BSN: variants seen among roughly 807,000 people sequenced by gnomAD.
BSN encodes the protein bassoon presynaptic cytomatrix protein.
A neutral mutation model predicts 264.8 loss-of-function variants in BSN; 57 were observed. The ratio of observed to expected loss-of-function variants is 0.22; its 90% CI spans 0.17 to 0.27. BSN has a LOEUF of 0.27. Ranked by LOEUF, BSN falls within the 10% of genes least tolerant of loss-of-function variation. The probability of loss-of-function intolerance (pLI) is 1.00; values close to 1 mark genes in which losing one functional copy is unlikely to be tolerated. For missense variants in BSN, 4,615 were observed against 5,232.5 expected (o/e 0.88, Z 3.64); for synonymous variants, 2,059 against 2,137.3 (o/e 0.96, Z 1.01).
rs368815355 is a variant in BSN at position 49,652,591 on chromosome 3, G to C, written c.3035G>C (p.Arg1012Pro). ...GAGGACAGTGACAGCAGCCCCAGCCGCAGGCAGCGTCTAGAAGAAGCAAAG... is the reference window on the plus strand; with the variant it reads ...GAGGACAGTGACAGCAGCCCCAGCCCCAGGCAGCGTCTAGAAGAAGCAAAG... ...LEEDSDSSPS[R>P]RQRLEEAKQQ... The change falls in exon 5 of 12, where the codon CGC becomes CCC. Residue 1012 changes from arginine (R) to proline (P), a missense_variant. By Grantham distance (103) the Arg-to-Pro change is moderately radical. Coordinates refer to ENST00000296452, the MANE Select transcript of BSN (RefSeq NM_003458.4). The C allele has an allele frequency of 6.2e-7, 1 of 1,613,422 alleles. No individual in the cohort carries two copies. The highest frequency in any genetic ancestry group is 8.5e-7 in the Non-Finnish European group (1 of 1,179,922).
rs192517608 is a variant in BSN at position 49,612,241 on chromosome 3, T to C, written c.225-12734T>C. On this transcript the variant is annotated intron_variant, in intron 1 of 11. Coordinates refer to ENST00000296452, the MANE Select transcript of BSN (RefSeq NM_003458.4). ...AGCTCCGCCTCCCGGGTTCACGCCG[T>C]CCTCCTTCCCCAGCCTCCCAAGTAG... Among the ~76,000 whole-genome samples, 118 of 151,866 alleles carry C rather than the reference T, an allele frequency of 7.8e-4. 1 individual carries two copies. Among genetic ancestry groups the C allele is most frequent in the African/African-American group, 2.7e-3 (113 of 41,420 alleles).
intron 1 of BSN, among the ~76,000 whole-genome samples, chr3:49,572,387 G>GCT (rs1287458041): frequency 7.2e-5 from 11 of 152,100 alleles, no homozygotes; most frequent in Non-Finnish European, 1.6e-4. Flanking sequence ...CACATTTAGG[G>GCT]GAAAATATCA....
chr3:49,650,953 G>T lies in BSN; in HGVS notation c.1860G>T (p.Pro620=). ...TRVPTKAEPM[P]KPPPETTPTP... ...TCCCCACTAAAGCTGAGCCCATGCC[G>T]AAGCCACCTCCAGAGACTACCCCAA... Residue 620 remains proline, a synonymous_variant, in exon 4 of 12, where the codon CCG becomes CCT. Transcript: ENST00000296452. 1.2e-6 allele frequency: 2 copies of T among 1,614,142 alleles called. No individual in the cohort carries two copies. Among genetic ancestry groups the T allele is most frequent in the Non-Finnish European group, 1.7e-6 (2 of 1,180,028 alleles).
chr3:49,652,891 C>A lies in BSN; in HGVS notation c.3335C>A (p.Ala1112Glu). 6.2e-7 allele frequency: 1 copy of A among 1,609,172 alleles called. No individual in the cohort carries two copies. The highest frequency in any genetic ancestry group is 8.5e-7 in the Non-Finnish European group (1 of 1,176,762). ...TCCCCGACGGAGGAGCTGAGGCAGG[C>A]GGCCGAGATGGAGGAGCTACACCGC... ...DASPTEELRQ[A>E]AEMEELHRSS... The change falls in exon 5 of 12, where the codon GCG becomes GAG. Residue 1112 changes from alanine to glutamate, a missense_variant. By Grantham distance (107) the Ala-to-Glu change is moderately radical. This residue lies in a region of BSN where 3,415 missense variants were observed against 3,866.4 expected (regional missense o/e 0.88). Coordinates refer to ENST00000296452, the MANE Select transcript of BSN (RefSeq NM_003458.4).
intron 1 of BSN, among the ~76,000 whole-genome samples, chr3:49,563,739 CA>C (rs1290674155): frequency 1.3e-5 from 2 of 152,174 alleles, no homozygotes; most frequent in African/African-American, 4.8e-5. Flanking sequence ...GCATTGTATC[CA>C]ACCCCCAACA....
chr3:49,575,784 C>T (rs1412450544), intron 1 of BSN, among the ~76,000 whole-genome samples: 1 of 151,500 alleles, frequency 6.6e-6, no homozygotes, highest in Non-Finnish European at 1.5e-5. Context: ...CCATCTCCAC[C>T]TTGGGTCAAC....
At position 49,651,509 on chromosome 3, in the gene BSN, G is replaced by A. The variant is rs1436966960; in HGVS notation, c.1987-34G>A. On this transcript the variant is annotated intron_variant, in intron 4 of 11. Coordinates refer to ENST00000296452, the MANE Select transcript of BSN (RefSeq NM_003458.4). This position sits in a 1 kb window ranked among gnomAD's most constrained non-coding sequence, Gnocchi z 5.4. ...GGGTTCCCACCACGAGCTTTGCCAT[G>A]GGGAGTCAGTGTCTGCTTTTCACCC... 1.3e-6 allele frequency: 2 copies of A among 1,529,990 alleles called. No homozygotes were observed. The highest frequency in any genetic ancestry group is 4.5e-5 in the East Asian group (2 of 44,158). The allele number at this position is 1,529,990 out of a possible 1,614,324, so 94.8% of individuals were successfully genotyped here.
chr3:49,605,323 A>T (rs1179145101), intron 1 of BSN, among the ~76,000 whole-genome samples: 1 of 96,472 alleles, frequency 1.0e-5, no homozygotes, highest in Non-Finnish European at 1.9e-5. Context: ...TTATATATAT[A>T]TATTTATAAA....
rs192760915 is a variant in BSN at position 49,659,090 on chromosome 3, C to T, written c.8640+894C>T. Among the ~76,000 whole-genome samples, 419 of 152,230 alleles carry T rather than the reference C, an allele frequency of 2.8e-3. 3 individuals carry two copies. Among genetic ancestry groups the T allele is most frequent in the African/African-American group, 9.3e-3 (388 of 41,530 alleles). On this transcript the variant is annotated intron_variant, in intron 5 of 11. Transcript: ENST00000296452. ...AGAGACCTGGCAGAGGAGGCAGGAG[C>T]CAGAGGCATCGTAAGGTAGATTTGC...
At chr3:49,649,229 G>A (rs1051165305) in intron 3 of BSN, among the ~76,000 whole-genome samples, 20 of 152,228 alleles carry the variant, frequency 1.3e-4, no homozygotes, top group African/African-American at 4.6e-4. Flanking sequence ...AGCCTTCCTG[G>A]GGGTGGCAAG....
rs2052567340 is a variant in BSN at position 49,653,834 on chromosome 3, A to G, written c.4278A>G (p.Ala1426=). 6.2e-7 allele frequency: 1 copy of G among 1,614,066 alleles called. No homozygotes were observed. The highest frequency in any genetic ancestry group is 8.5e-7 in the Non-Finnish European group (1 of 1,180,002). The part of the protein sequence containing the change: ...AHSYGHSPTT[A]NYGSQTEDLP... ...GCTATGGACACAGCCCAACCACTGC[A>G]AACTATGGGTCCCAAACTGAGGATC... Residue 1426 remains alanine (A), a synonymous_variant, in exon 5 of 12, where the codon GCA becomes GCG. Transcript: ENST00000296452. This position sits in a 1 kb window ranked among gnomAD's most constrained non-coding sequence, Gnocchi z 6.3.
chr3:49,644,978 T>C (rs1266866828), intron 3 of BSN, among the ~76,000 whole-genome samples: 1 of 152,224 alleles, frequency 6.6e-6, no homozygotes, highest in Non-Finnish European at 1.5e-5. Flanking sequence ...CCTAGGCCTC[T>C]CATTAGCTGC....
At chr3:49,555,220 G>C (rs757057564) in intron 1 of BSN, among the ~76,000 whole-genome samples, 1 of 152,226 alleles carries the variant, frequency 6.6e-6, no homozygotes, top group Non-Finnish European at 1.5e-5. Flanking sequence ...ATTGTGCTGG[G>C]CCGAGAAAAC....
At position 49,652,794 on chromosome 3, in the gene BSN, G is replaced by A. The variant is rs1378963370; in HGVS notation, c.3238G>A (p.Glu1080Lys). ...TARKTRRDKEELRAQRRRERS... is the reference protein window; with the variant it reads ...TARKTRRDKEKLRAQRRRERS... ...CCGCAAGACCCGGCGGGACAAGGAA[G>A]AACTGCGGGCCCAGCGGAGGCGAGA... Residue 1080 changes from glutamate to lysine, a missense_variant, in exon 5 of 12, where the codon GAA (glutamate) becomes AAA (lysine). Glu to Lys is a moderately conservative substitution (Grantham distance 56). This residue lies in a region of BSN where 3,415 missense variants were observed against 3,866.4 expected (regional missense o/e 0.88). Transcript: ENST00000296452. 6.4e-7 allele frequency: 1 copy of A among 1,553,358 alleles called. No individual in the cohort carries two copies. Among genetic ancestry groups the A allele is most frequent in the Non-Finnish European group, 8.7e-7 (1 of 1,148,634 alleles).
chr3:49,663,979 C>T (rs955864339), intron 8 of BSN, 93 bp downstream of exon 8: 2 of 1,179,530 alleles, frequency 1.7e-6, no homozygotes, highest in Non-Finnish European at 1.2e-6. Context: ...CCCCACACTG[C>T]ATGCCCTCAC....
At chr3:49,610,122 ACT>A (rs1174053429) in intron 1 of BSN, among the ~76,000 whole-genome samples, 1 of 151,614 alleles carries the variant, frequency 6.6e-6, no homozygotes, top group Non-Finnish European at 1.5e-5. Flanking sequence ...GTTTTCTGAG[ACT>A]CTGCCAGTCC....
chr3:49,653,923 C>G lies in BSN; in HGVS notation c.4367C>G (p.Ala1456Gly), dbSNP rs781283813. ...GRAAREKPLS[A>G]SDGEGGTPQP... is the part of the protein sequence containing the mutation. ...GCTGCTAGAGAGAAGCCCTTGAGTG[C>G]GAGTGACGGTGAGGGTGGCACTCCT... Residue 1456 changes from alanine (A) to glycine (G), a missense_variant, in exon 5 of 12, where the codon GCG becomes GGG. Around this residue, in one of 3 missense-constraint regions of BSN, gnomAD observed 3,415 missense variants for 3,866.4 expected, o/e 0.88. Coordinates refer to ENST00000296452, the MANE Select transcript of BSN (RefSeq NM_003458.4). This position sits in a 1 kb window ranked among gnomAD's most constrained non-coding sequence, Gnocchi z 6.3. The G allele has an allele frequency of 6.2e-7, 1 of 1,614,002 alleles. No homozygotes were observed. The highest frequency in any genetic ancestry group is 1.3e-5 in the African/African-American group (1 of 74,908).
rs1213516896 is a variant in BSN, at chr3:49,661,247, C to T, written c.9402C>T (p.Val3134=). 2 of 1,613,756 alleles carry T rather than the reference C, an allele frequency of 1.2e-6. No homozygotes were observed. ...CCACACAGAGCACCCTTTTTCCAGT[C>T]CCCGCTGATAGCCGTGCCCCACTGC... ...MPTTQSTLFP[V]PADSRAPLQK... is the part of the protein sequence containing the mutation. Residue 3134 remains valine (V), a synonymous_variant, in exon 6 of 12, where the codon GTC becomes GTT. Coordinates refer to ENST00000296452, the MANE Select transcript of BSN (RefSeq NM_003458.4).
In BSN at chr3:49,554,712, C is replaced by T. The variant is rs2051650394; in HGVS notation, c.110C>T (p.Pro37Leu). The T allele has an allele frequency of 4.2e-6, 5 of 1,197,242 alleles. No homozygotes were observed. The South Asian group carries it at 1.0e-4, about 25-fold the overall frequency. The allele number at this position is 1,197,242 out of a possible 1,614,324, so 74.2% of individuals were successfully genotyped here. A position where few individuals can be genotyped will look rare whatever the true frequency, so the allele number is the denominator to read the frequency against. The stretch of plus-strand genomic sequence containing the variant: ...CCCGGCCCCGGCGCAGGAAAGCCGC[C>T]TTCAGCACCGGCCGGTGGCGGACAG... ...PGPGPGAGKP[P>L]SAPAGGGQLP... The change falls in exon 1 of 12, where the codon CCT becomes CTT. Residue 37 changes from proline to leucine, a missense_variant. Physicochemically the swap from Pro to Leu is moderately conservative, Grantham distance 98 (BLOSUM62 -3). This residue lies in a region of BSN where 1,197 missense variants were observed against 1,348.0 expected (regional missense o/e 0.89). Coordinates refer to ENST00000296452, the MANE Select transcript of BSN (RefSeq NM_003458.4).
Sources: allele counts gnomAD v4.1 joint callset (sites outside exome capture counted in the v4.1 genomes callset), GRCh38; gene constraint gnomAD v4.1.1; regional missense constraint gnomAD v4.1.1; non-coding constraint Gnocchi (gnomAD v3.1); transcripts MANE v1.5; gene names NCBI Gene and HGNC (gene_info 2026-07-23, HGNC 2026-07-21).